Variants in JMJD1C observed in about 807,000 individuals in gnomAD.
JMJD1C encodes the protein jumonji domain-containing protein 1C.
In JMJD1C, 31 loss-of-function variants were observed where a neutral mutation model predicts 245.3. The observed-to-expected ratio is 0.13, with a 90% CI of 0.09 to 0.17. JMJD1C has a LOEUF of 0.17. JMJD1C is among the 10% of genes least tolerant of loss of function. JMJD1C has a pLI of 1.00. For synonymous variants in JMJD1C, 1,057 were observed against 1,017.4 expected, an observed-to-expected ratio of 1.04 and a Z score of -0.74; for missense variants, 2,691 against 3,000.2, an observed-to-expected ratio of 0.90 and a Z score of 2.41.
chr10:63,411,249 T>A (rs923216324), intron 1 of JMJD1C, among the ~76,000 whole-genome samples: 2 of 151,026 alleles, frequency 1.3e-5, no homozygotes, highest in Non-Finnish European at 2.9e-5. Flanking sequence ...CTACAGTGAG[T>A]GAGAAACATG....
At chr10:63,242,342 T>A (rs997890018) in intron 3 of JMJD1C, among the ~76,000 whole-genome samples, 9 of 152,242 alleles carry the variant, frequency 5.9e-5, no homozygotes, top group African/African-American at 2.2e-4. Flanking sequence ...AAGAACTTTT[T>A]TAAAATTTAG....
At chr10:63,271,667 T>C (rs1856320008) in intron 2 of JMJD1C, among the ~76,000 whole-genome samples, 1 of 152,190 alleles carries the variant, frequency 6.6e-6, no homozygotes, top group Non-Finnish European at 1.5e-5. Context: ...TTCTCCTGCC[T>C]CAGCCTCCTG....
At chr10:63,351,927 C>T (rs1944399638) in intron 2 of JMJD1C, among the ~76,000 whole-genome samples, 1 of 152,196 alleles carries the variant, frequency 6.6e-6, no homozygotes, top group Non-Finnish European at 1.5e-5. Context: ...AGTGCCATCT[C>T]CCCAGATATA....
intron 1 of JMJD1C, among the ~76,000 whole-genome samples, chr10:63,472,986 T>C (rs1371160169): frequency 1.3e-5 from 2 of 152,066 alleles, no homozygotes; most frequent in African/African-American, 4.8e-5. Context: ...GGTCTCATCA[T>C]GTTGGCCAGG....
intron 20 of JMJD1C, among the ~76,000 whole-genome samples, chr10:63,185,210 A>G (rs1414749599): frequency 6.6e-6 from 1 of 152,234 alleles, no homozygotes; most frequent in Non-Finnish European, 1.5e-5. Flanking sequence ...AGCTCACTGC[A>G]GCCTCCACTT....
At chr10:63,257,875 A>G (rs1854173524) in intron 3 of JMJD1C, among the ~76,000 whole-genome samples, 1 of 152,250 alleles carries the variant, frequency 6.6e-6, no homozygotes, top group Admixed American at 6.5e-5. Context: ...GTTCTATTAT[A>G]CACTGTCTAT....
chr10:63,492,088 G>A (rs1954195951), intron 1 of JMJD1C, among the ~76,000 whole-genome samples: 2 of 152,158 alleles, frequency 1.3e-5, no homozygotes, highest in African/African-American at 4.8e-5. Context: ...CCAGGCTGGA[G>A]TAAAGCGTGA....
In JMJD1C at chr10:63,217,291, T is replaced by C. The variant is rs758501752; in HGVS notation, c.594A>G (p.Arg198=). The C allele has an allele frequency of 8.1e-6, 13 of 1,609,112 alleles. No homozygotes were observed. The highest frequency in any genetic ancestry group is 1.3e-5 in the African/African-American group (1 of 74,774). Residue 198 remains arginine (R), a synonymous_variant, in exon 5 of 26, where the codon AGA becomes AGG. Coordinates refer to ENST00000399262, the MANE Select transcript of JMJD1C (RefSeq NM_032776.3). ...SLNGYRVRVY[R]QDSATQWFTG... is the part of the protein sequence containing the mutation. ...TAAACCACTGGGTGGCAGAGTCTTG[T>C]CTATATACTCTCACTCTGTATCCAT...
At chr10:63,362,221 T>C (rs1945433361) in intron 2 of JMJD1C, among the ~76,000 whole-genome samples, 1 of 140,504 alleles carries the variant, frequency 7.1e-6, no homozygotes, top group Admixed American at 7.5e-5. Context: ...CGCAACAGAG[T>C]GAGACTGCAT....
At chr10:63,270,835 TA>T (rs1280132743) in intron 2 of JMJD1C, among the ~76,000 whole-genome samples, 2 of 152,174 alleles carry the variant, frequency 1.3e-5, no homozygotes, top group South Asian at 2.1e-4. Context: ...GGCTACTCAA[TA>T]AATCAAAGAG....
rs10577726 is a variant in JMJD1C at position 63,176,798 on chromosome 10, A to ATT, written c.7225-327_7225-326dup. Reference sequence around the variant, plus strand: ...ATAGCACATGGATGAGGAACAGGGTATTTTTTTTTTTTTTTTTTTTTTACC... The same window carrying ATT: ...ATAGCACATGGATGAGGAACAGGGTATTTTTTTTTTTTTTTTTTTTTTTTACC... On this transcript the variant is annotated intron_variant, in intron 23 of 25. Transcript: ENST00000399262. 1.6e-3 allele frequency: 211 copies of ATT among 135,608 alleles called. 1 individual carries two copies. Among genetic ancestry groups the ATT allele is most frequent in the African/African-American group, 5.4e-3 (188 of 34,826 alleles). The allele number at this position is 135,608 out of a possible 1,614,324, so 8.4% of individuals were successfully genotyped here. A position where few individuals can be genotyped will look rare whatever the true frequency, so the allele number is the denominator to read the frequency against.
intron 2 of JMJD1C, among the ~76,000 whole-genome samples, chr10:63,265,446 A>G (rs2133790210): frequency 6.6e-6 from 1 of 152,246 alleles, no homozygotes; most frequent in African/African-American, 2.4e-5. Context: ...TTCCTTTAAG[A>G]AGATACCTTT....
intron 2 of JMJD1C, among the ~76,000 whole-genome samples, chr10:63,352,637 CAAAAA>C (rs145589142): frequency 4.1e-5 from 4 of 96,776 alleles, no homozygotes; most frequent in Non-Finnish European, 4.1e-5. Context: ...GACTCTGTCT[CAAAAA>C]AAAAAAAAAA....
intron 1 of JMJD1C, among the ~76,000 whole-genome samples, chr10:63,407,660 A>G (rs754025443): frequency 1.3e-5 from 2 of 152,078 alleles, no homozygotes; most frequent in Non-Finnish European, 2.9e-5. Flanking sequence ...AAATACAGAG[A>G]CTAAAATATA....
At chr10:63,430,657 T>C (rs1950693167) in intron 1 of JMJD1C, among the ~76,000 whole-genome samples, 2 of 152,190 alleles carry the variant, frequency 1.3e-5, no homozygotes, top group African/African-American at 2.4e-5. Flanking sequence ...TAAAATTAGA[T>C]AGGGGTCATG....
intron 1 of JMJD1C, among the ~76,000 whole-genome samples, chr10:63,411,900 G>T (rs1345140787): frequency 6.8e-6 from 1 of 147,986 alleles, no homozygotes; most frequent in Non-Finnish European, 1.5e-5. Flanking sequence ...ACAGCGCCTG[G>T]CCCAATTTTT....
At chr10:63,181,069 G>A (rs548708492) in intron 22 of JMJD1C, among the ~76,000 whole-genome samples, 8 of 152,076 alleles carry the variant, frequency 5.3e-5, no homozygotes, top group Admixed American at 4.6e-4. Context: ...GTTTCACTAC[G>A]TTGGCTAGCT....
chr10:63,295,887 G>GTATA (rs745871180), intron 2 of JMJD1C, among the ~76,000 whole-genome samples: 2 of 136,010 alleles, frequency 1.5e-5, no homozygotes, highest in African/African-American at 2.7e-5. Context: ...CTATATATAT[G>GTATA]TATATATATA....
chr10:63,191,996 A>G (rs1361539284), intron 16 of JMJD1C, among the ~76,000 whole-genome samples: 3 of 150,178 alleles, frequency 2.0e-5, no homozygotes, highest in African/African-American at 7.3e-5. Flanking sequence ...AAAAAAAAAA[A>G]AAAAAAAAAA....
Sources: gnomAD v4.1 joint callset for allele counts (sites outside exome capture counted in the v4.1 genomes callset) on GRCh38, gnomAD v4.1.1 for gene constraint, MANE v1.5 for transcripts, NCBI Gene and HGNC (gene_info 2026-07-23, HGNC 2026-07-21) for gene names.